The following IGF1 variants were observed in gnomAD, a reference collection of about 807,000 sequenced individuals.
The protein encoded by IGF1 is insulin like growth factor 1.
A neutral mutation model predicts 13.8 loss-of-function variants in IGF1; 4 were observed. The ratio of observed to expected loss-of-function variants is 0.29; its 90% confidence interval spans 0.14 to 0.66. The LOEUF (loss-of-function observed/expected upper bound fraction) is 0.66. IGF1 is among the 30% of genes least tolerant of loss of function. The pLI is 0.78. For synonymous variants in IGF1, 76 were observed against 72.6 expected, an observed-to-expected ratio of 1.05 and a Z score of -0.23; for missense variants, 124 against 188.5, an observed-to-expected ratio of 0.66 and a Z score of 2.00.
intron 2 of IGF1, among the ~76,000 whole-genome samples, chr12:102,447,709 C>A (rs1368959558): frequency 6.6e-6 from 1 of 152,030 alleles, no homozygotes; most frequent in Admixed American, 6.6e-5. Context: ...GGCATTTAGC[C>A]CATTTCCATA....
rs1873176316 is a variant in IGF1, at chr12:102,396,293, A to T, written c.*6214T>A. 6.6e-6 allele frequency: 1 copy of T among 152,186 alleles called. No homozygotes were observed. Among genetic ancestry groups the T allele is most frequent in the Admixed American group, 6.5e-5 (1 of 15,278 alleles). 9.4% of individuals were successfully genotyped at this position (152,186 alleles called of 1,614,324 possible). On this transcript the variant is annotated 3_prime_UTR_variant, in exon 4 of 4. Coordinates refer to ENST00000337514, the MANE Select transcript of IGF1 (RefSeq NM_000618.5). The stretch of plus-strand genomic sequence containing the variant: ...TTAACTCTTTTACCAAAAAGATCTG[A>T]CATGGTATTTGGGGCCTTTATGTAA...
intron 2 of IGF1, chr12:102,463,343 T>G (rs1277726162): frequency 6.6e-6 from 1 of 152,222 alleles, no homozygotes; most frequent in Non-Finnish European, 1.5e-5. Context: ...TTTAAGCTTC[T>G]TCATGGAAGA....
intron 2 of IGF1, among the ~76,000 whole-genome samples, chr12:102,453,576 A>G (rs1020191486): frequency 1.1e-4 from 17 of 152,152 alleles, no homozygotes; most frequent in African/African-American, 3.9e-4. Flanking sequence ...AAATTACTGT[A>G]TGTACAAAAA....
Position 102,480,453 on chromosome 12 carries a change from A to T in IGF1, c.-72T>A, listed in dbSNP as rs1881335111. ...ATGAAGCAAAAAGAAATCCAGAGAG[A>T]TGGGAGATGTTGAGAGCAATGTCAC... On this transcript the variant is annotated 5_prime_UTR_variant, in exon 1 of 4. Coordinates refer to ENST00000337514, the MANE Select transcript of IGF1 (RefSeq NM_000618.5). The T allele has an allele frequency of 1.9e-6, 3 of 1,608,276 alleles. No individual in the cohort carries two copies. The highest frequency in any genetic ancestry group is 1.7e-5 in the Admixed American group (1 of 59,758).
intron 2 of IGF1, among the ~76,000 whole-genome samples, chr12:102,462,009 A>G (rs1445457806): frequency 6.6e-6 from 1 of 152,232 alleles, no homozygotes; most frequent in Non-Finnish European, 1.5e-5. Flanking sequence ...TCCTGTGGGT[A>G]TCGGGTTAAA....
intron 2 of IGF1, among the ~76,000 whole-genome samples, chr12:102,449,936 G>A (rs1039654765): frequency 1.3e-5 from 2 of 152,006 alleles, no homozygotes; most frequent in African/African-American, 4.8e-5. Flanking sequence ...CCGGGCTCAC[G>A]GATTCTCCTT....
intron 2 of IGF1, among the ~76,000 whole-genome samples, chr12:102,441,572 A>C (rs1877719114): frequency 6.6e-6 from 1 of 152,202 alleles, no homozygotes; most frequent in African/African-American, 2.4e-5. Context: ...ACTTGAGAGA[A>C]GCATGATACC....
At chr12:102,429,825 A>G (rs1003203869) in intron 2 of IGF1, among the ~76,000 whole-genome samples, 5 of 152,184 alleles carry the variant, frequency 3.3e-5, no homozygotes, top group Admixed American at 6.5e-5. Context: ...CTCTGAGGCA[A>G]TGGCCTTTTG....
intron 3 of IGF1, chr12:102,417,857 T>C: frequency 6.2e-7 from 1 of 1,614,012 alleles, no homozygotes; most frequent in Non-Finnish European, 8.5e-7. Context: ...CATTTCTACT[T>C]CCAATCTCCC....
intron 2 of IGF1, among the ~76,000 whole-genome samples, chr12:102,451,131 A>G (rs1878878543): frequency 6.6e-6 from 1 of 152,174 alleles, no homozygotes; most frequent in Admixed American, 6.5e-5. Context: ...AATTTCAAGA[A>G]TGGTTCTGCA....
intron 2 of IGF1, among the ~76,000 whole-genome samples, chr12:102,433,738 C>T (rs1414544747): frequency 6.6e-6 from 1 of 152,064 alleles, no homozygotes; most frequent in Non-Finnish European, 1.5e-5. Flanking sequence ...AAGTTGGGTG[C>T]ACAAACGGTA....
At chr12:102,413,728 C>G (rs1035313681) in intron 3 of IGF1, among the ~76,000 whole-genome samples, 1 of 152,062 alleles carries the variant, frequency 6.6e-6, no homozygotes, top group African/African-American at 2.4e-5. Flanking sequence ...TAAATTTTCC[C>G]CAGGCACCAT....
chr12:102,474,112 G>A (rs1257198086), intron 2 of IGF1, among the ~76,000 whole-genome samples: 1 of 152,128 alleles, frequency 6.6e-6, no homozygotes, highest in African/African-American at 2.4e-5. Context: ...TAAAAAATGA[G>A]GATCAGTAGC....
rs923588349 is a variant in IGF1, at chr12:102,455,014, G to A, written c.220+20629C>T. Among the ~76,000 whole-genome samples, 5 of 152,194 alleles carry A rather than the reference G, an allele frequency of 3.3e-5. No homozygotes were observed. In the East Asian group the frequency reaches 5.8e-4, roughly 18 times the overall value. ...CCTGGAGAATCTTGGCTGGAAGTGT[G>A]GGGGAAGGGAAAGGGAAGAAGGGAG... On this transcript the variant is annotated intron_variant, in intron 2 of 3. Transcript: ENST00000337514.
intron 2 of IGF1, 150 bp from the exon 3 acceptor site, chr12:102,419,840 C>T: frequency 2.7e-6 from 2 of 746,066 alleles, no homozygotes; most frequent in Non-Finnish European, 4.7e-6. Context: ...TGATTCCTGA[C>T]CCCACGTATC....
chr12:102,455,061 C>T (rs1324868107), intron 2 of IGF1, among the ~76,000 whole-genome samples: 2 of 152,194 alleles, frequency 1.3e-5, no homozygotes, highest in Non-Finnish European at 2.9e-5. Flanking sequence ...AGCCACCCAC[C>T]GTGCCATTCC....
chr12:102,419,407 T>C, intron 3 of IGF1, 102 bp downstream of exon 3: 11 of 1,181,914 alleles, frequency 9.3e-6, no homozygotes, highest in Non-Finnish European at 2.4e-6. Flanking sequence ...TTTTCTGACT[T>C]GTAAGCCAGG....
At chr12:102,459,900 A>T (rs1879759847) in intron 2 of IGF1, among the ~76,000 whole-genome samples, 1 of 152,244 alleles carries the variant, frequency 6.6e-6, no homozygotes, top group African/African-American at 2.4e-5. Context: ...GAACAAAGGC[A>T]ATAGATATGT....
chr12:102,449,976 C>A (rs79910493), intron 2 of IGF1, among the ~76,000 whole-genome samples: 10 of 151,952 alleles, frequency 6.6e-5, no homozygotes, highest in Non-Finnish European at 1.3e-4. Context: ...AGAGAGAGGG[C>A]GAGTTCTCAA....
Sources: gnomAD v4.1 joint callset for allele counts (sites outside exome capture counted in the v4.1 genomes callset) on GRCh38, gnomAD v4.1.1 for gene constraint, MANE v1.5 for transcripts, NCBI Gene and HGNC (gene_info 2026-07-23, HGNC 2026-07-21) for gene names.